Variants in CIBAR2 observed in about 807,000 individuals in gnomAD.
The protein encoded by CIBAR2 is CBY1 interacting BAR domain containing 2.
CIBAR2 carries 38 observed loss-of-function variants against 36.2 expected under a neutral mutation model. That is an observed-to-expected ratio of 1.05 (90% CI 0.81 to 1.38). CIBAR2 has a LOEUF of 1.38. CIBAR2 is among the 40% of genes most tolerant of loss of function. The pLI is 0.00. For synonymous variants in CIBAR2, 182 were observed against 149.5 expected, an observed-to-expected ratio of 1.22 and a Z score of -1.58; for missense variants, 481 against 383.4, an observed-to-expected ratio of 1.25 and a Z score of -2.13.
At chr16:85,112,131 A>G (rs1223322256) in intron 1 of CIBAR2, among the ~76,000 whole-genome samples, 2 of 152,206 alleles carry the variant, frequency 1.3e-5, no homozygotes, top group African/African-American at 2.4e-5. Context: ...GACGGAGGCC[A>G]GATTCTGGAA....
At chr16:85,112,231 C>A in intron 1 of CIBAR2, 102 bp downstream of exon 1, 1 of 1,061,510 alleles carries the variant, frequency 9.4e-7, no homozygotes, top group Non-Finnish European at 1.4e-6. Context: ...CCAACCCCCA[C>A]CCCAAGCAGC....
chr16:85,112,262 T>G, intron 1 of CIBAR2, 71 bp downstream of exon 1: 7 of 1,428,338 alleles, frequency 4.9e-6, no homozygotes, highest in Non-Finnish European at 6.9e-6. Flanking sequence ...GCCCTCATCT[T>G]TGTTGGTGCC....
At chr16:85,102,906 C>CA (rs1204912793) in intron 6 of CIBAR2, among the ~76,000 whole-genome samples, 165 of 143,008 alleles carry the variant, frequency 1.2e-3, no homozygotes, top group Non-Finnish European at 2.2e-3. Context: ...TCACAGGAGG[C>CA]TTTTTTTTTT....
In CIBAR2 at chr16:85,098,680, C is replaced by T. The variant is rs991578724; in HGVS notation, c.*505G>A. On this transcript the variant is annotated 3_prime_UTR_variant, in exon 9 of 9. Transcript: ENST00000539556. ...TGGGCTCCATATGGTGCTCTGAGCA[C>T]TCTAAATAATAATAATAATAAAACG... is the stretch of plus-strand genomic sequence containing the variant. 1.1e-6 allele frequency: 1 copy of T among 926,416 alleles called. No individual in the cohort carries two copies. The highest frequency in any genetic ancestry group is 1.8e-5 in the African/African-American group (1 of 56,034). The allele number at this position is 926,416 out of a possible 1,614,324, so 57.4% of individuals were successfully genotyped here.
chr16:85,110,202 C>A, intron 2 of CIBAR2, 24 bp downstream of exon 2: 1 of 1,526,568 alleles, frequency 6.6e-7, no homozygotes, highest in South Asian at 1.2e-5. Flanking sequence ...CTCAGCATCC[C>A]AGACCCGGGC....
chr16:85,098,483 C>T lies in CIBAR2; in HGVS notation c.*702G>A, dbSNP rs1188139251. On this transcript the variant is annotated 3_prime_UTR_variant, in exon 9 of 9. Coordinates refer to ENST00000539556, the MANE Select transcript of CIBAR2 (RefSeq NM_198491.3). ...TGAGGAAACTGAGGCTCAGAGGACA[C>T]GTGGCTTGCCTGAGGGCACACAGCA... 1.0e-5 allele frequency: 10 copies of T among 978,882 alleles called. No homozygotes were observed. Among genetic ancestry groups the T allele is most frequent in the African/African-American group, 3.5e-5 (2 of 57,228 alleles). 60.6% of individuals were successfully genotyped at this position (978,882 alleles called of 1,614,324 possible). A position where few individuals can be genotyped will look rare whatever the true frequency, so the allele number is the denominator to read the frequency against.
chr16:85,104,317 TTCAGGAGCC>T (rs1330201299), intron 6 of CIBAR2, among the ~76,000 whole-genome samples: 4 of 152,176 alleles, frequency 2.6e-5, no homozygotes, highest in Non-Finnish European at 5.9e-5. Context: ...GAGCCAGGGC[TTCAGGAGCC>T]TGGAAGGGAT....
intron 8 of CIBAR2, 103 bp from the exon 9 acceptor site, chr16:85,099,449 A>T: frequency 1.4e-6 from 1 of 728,516 alleles, no homozygotes; most frequent in Non-Finnish European, 2.4e-6. Context: ...GGAACCCTGG[A>T]TTCTGGAACC....
At chr16:85,100,075 C>A in intron 8 of CIBAR2, 64 bp downstream of exon 8, 3 of 1,295,014 alleles carry the variant, frequency 2.3e-6, no homozygotes, top group Non-Finnish European at 3.3e-6. Flanking sequence ...GGGGTTACTA[C>A]CACGGGCCTT....
intron 7 of CIBAR2, 85 bp from the exon 8 acceptor site, chr16:85,100,325 C>T (rs1234781879): frequency 1.9e-5 from 14 of 751,268 alleles, no homozygotes; most frequent in East Asian, 2.8e-5. Context: ...ACGGTGGGGA[C>T]GAGAAGGCCC....
At position 85,099,321 on chromosome 16, in the gene CIBAR2, CT is replaced by C. The variant is rs1431966561; in HGVS notation, c.778del (p.Arg260GlyfsTer50). 1.9e-6 allele frequency: 3 copies of C among 1,602,982 alleles called. No individual in the cohort carries two copies. Among genetic ancestry groups the C allele is most frequent in the African/African-American group, 2.7e-5 (2 of 74,698 alleles). ...AGGATGTTCAGGGTCTTCATTTGCC[CT>C]ACTCAGCTGGACCTGCAGAGTTCCC... The part of the protein sequence containing the change: ...SQGTLQVQLS[R>X]ANEDPEHPHA... On this transcript the variant is annotated frameshift_variant, in exon 9 of 9. Transcript: ENST00000539556. LOFTEE classifies it low-confidence loss of function (END_TRUNC).
At chr16:85,103,185 T>C (rs2073969073) in intron 6 of CIBAR2, among the ~76,000 whole-genome samples, 1 of 152,092 alleles carries the variant, frequency 6.6e-6, no homozygotes, top group Non-Finnish European at 1.5e-5. Flanking sequence ...TTAGTGCCCT[T>C]GTAAAAAAGA....
At chr16:85,108,004 C>T in intron 3 of CIBAR2, 27 bp downstream of exon 3, 1 of 1,613,744 alleles carries the variant, frequency 6.2e-7, no homozygotes, top group South Asian at 1.1e-5. Context: ...ACAGGGATGC[C>T]ACCCACACCG....
chr16:85,110,187 T>G (rs773880870), intron 2 of CIBAR2, 39 bp downstream of exon 2: 14 of 1,472,366 alleles, frequency 9.5e-6, no homozygotes, highest in Non-Finnish European at 1.3e-5. Flanking sequence ...GGAGCCTGGG[T>G]ACCCCTCAGC....
chr16:85,110,334 C>T lies in CIBAR2; in HGVS notation c.147G>A (p.Leu49=), dbSNP rs199531863. The T allele has an allele frequency of 4.0e-4, 647 of 1,613,014 alleles. 2 individuals are homozygous for T. The highest frequency in any genetic ancestry group is 1.0e-4 in the Non-Finnish European group (118 of 1,179,480). The part of the protein sequence containing the change: ...TARLRDKADQ[L]VKQLIDFANS... Reference sequence around the variant, plus strand: ...TGGCAAAGTCGATGAGCTGCTTGACCAGCTGGTCCGCCTTGTCCCGCAGCC... The same window carrying T: ...TGGCAAAGTCGATGAGCTGCTTGACTAGCTGGTCCGCCTTGTCCCGCAGCC... Residue 49 remains leucine (L), a synonymous_variant, in exon 2 of 9, where the codon CTG becomes CTA. Transcript: ENST00000539556.
chr16:85,102,380 GGGAA>G, intron 6 of CIBAR2, 53 bp from the exon 7 acceptor site: 2 of 1,115,636 alleles, frequency 1.8e-6, no homozygotes, highest in Non-Finnish European at 2.7e-6. Context: ...AAAGAGCCCA[GGGAA>G]GCCTGGGATG....
Position 85,112,357 on chromosome 16 carries a change from A to G in CIBAR2, c.-5T>C. ...CCTGGAGAAGACGATGTTCATTGTG[A>G]CCAGAGCTTTGGCTGTCCCGGTGCT... is the stretch of plus-strand genomic sequence containing the variant. On this transcript the variant is annotated 5_prime_UTR_variant, in exon 1 of 9. Transcript: ENST00000539556. 6.2e-7 allele frequency: 1 copy of G among 1,613,896 alleles called. No homozygotes were observed. Among genetic ancestry groups the G allele is most frequent in the Non-Finnish European group, 8.5e-7 (1 of 1,179,886 alleles).
chr16:85,099,641 T>C (rs368142660), intron 8 of CIBAR2, among the ~76,000 whole-genome samples: 5 of 149,322 alleles, frequency 3.3e-5, no homozygotes, highest in African/African-American at 1.3e-4. Context: ...TTTTTTTTCC[T>C]GAGACAGAGT....
Position 85,110,301 on chromosome 16 carries a change from C to T in CIBAR2, c.180G>A (p.Glu60=), listed in dbSNP as rs201562054. Residue 60 remains glutamate (E), a synonymous_variant, in exon 2 of 9, where the codon GAG becomes GAA. Transcript: ENST00000539556. ...VKQLIDFANS[E]NPELRATMRG... ...TCATGGTGGCCCGCAGCTCGGGGTT[C>T]TCGGAGTTGGCAAAGTCGATGAGCT... The T allele has an allele frequency of 1.9e-6, 3 of 1,611,744 alleles. No homozygotes were observed. In the African/African-American group the frequency reaches 4.0e-5, roughly 21 times the overall value.
Sources: allele counts gnomAD v4.1 joint callset (sites outside exome capture counted in the v4.1 genomes callset), GRCh38; gene constraint gnomAD v4.1.1; transcripts MANE v1.5; gene names NCBI Gene and HGNC (gene_info 2026-07-23, HGNC 2026-07-21).